Variants in FHIT observed in about 807,000 individuals in gnomAD.
FHIT encodes the protein fragile histidine triad diadenosine triphosphatase.
FHIT carries 19 observed loss-of-function variants against 17.9 expected under a neutral mutation model. That is an observed-to-expected ratio of 1.06 (90% CI 0.74 to 1.56). FHIT has a LOEUF of 1.56. Ranked by LOEUF, FHIT falls within the 40% of genes most tolerant of loss-of-function variation. FHIT has a pLI of 0.00. For missense variants in FHIT, 248 were observed against 189.2 expected, an observed-to-expected ratio of 1.31 and a Z score of -1.82; for synonymous variants, 81 against 69.7, an observed-to-expected ratio of 1.16 and a Z score of -0.81.
chr3:60,359,707 A>G (rs1271664574), intron 5 of FHIT, among the ~76,000 whole-genome samples: 1 of 152,232 alleles, frequency 6.6e-6, no homozygotes, highest in Non-Finnish European at 1.5e-5. Context: ...TCTGGGCTTT[A>G]TCTTTTTCTG....
intron 5 of FHIT, among the ~76,000 whole-genome samples, chr3:60,266,816 C>T (rs1255313567): frequency 5.3e-5 from 8 of 152,102 alleles, no homozygotes; most frequent in Non-Finnish European, 1.0e-4. Context: ...AGTGCATGAA[C>T]ATCTTGAGAA....
intron 3 of FHIT, among the ~76,000 whole-genome samples, chr3:61,038,411 C>T (rs1051806238): frequency 1.3e-5 from 2 of 152,132 alleles, no homozygotes; most frequent in Admixed American, 1.3e-4. Flanking sequence ...TATAACAAGT[C>T]TACAGTGGGA....
intron 8 of FHIT, among the ~76,000 whole-genome samples, chr3:59,887,692 T>C (rs1390406134): frequency 1.3e-5 from 2 of 152,162 alleles, no homozygotes; most frequent in African/African-American, 2.4e-5. Context: ...AGAGAAGCAG[T>C]TGCATCCAGC....
At chr3:60,932,637 C>T (rs1708014321) in intron 3 of FHIT, among the ~76,000 whole-genome samples, 1 of 152,158 alleles carries the variant, frequency 6.6e-6, no homozygotes, top group Non-Finnish European at 1.5e-5. Context: ...CTAGGGCTCT[C>T]ATTGGATTCT....
chr3:60,899,112 G>C (rs1575661678), intron 3 of FHIT, among the ~76,000 whole-genome samples: 1 of 152,234 alleles, frequency 6.6e-6, no homozygotes. Flanking sequence ...TAATTATCCA[G>C]TTTAGGGTTC....
intron 3 of FHIT, among the ~76,000 whole-genome samples, chr3:61,031,553 C>CT (rs1464398506): frequency 6.6e-6 from 1 of 152,152 alleles, no homozygotes; most frequent in Non-Finnish European, 1.5e-5. Context: ...TTCATCTACT[C>CT]TAACATCCCA....
At chr3:60,522,200 C>G (rs1349428137) in intron 5 of FHIT, among the ~76,000 whole-genome samples, 1 of 151,670 alleles carries the variant, frequency 6.6e-6, no homozygotes, top group East Asian at 1.9e-4. Context: ...ACTTCTGCCC[C>G]CCTGAGTTCA....
chr3:60,116,885 C>T (rs1704987800), intron 5 of FHIT, among the ~76,000 whole-genome samples: 1 of 135,220 alleles, frequency 7.4e-6, no homozygotes, highest in Non-Finnish European at 1.7e-5. Context: ...AATTTCCCTT[C>T]TATTTTTTGA....
intron 5 of FHIT, among the ~76,000 whole-genome samples, chr3:60,423,165 TG>T (rs1246977918): frequency 6.6e-6 from 1 of 152,024 alleles, no homozygotes; most frequent in Non-Finnish European, 1.5e-5. Context: ...GCACTATAGA[TG>T]GTAGAGTAGA....
chr3:60,353,997 T>C (rs1559846213), intron 5 of FHIT, among the ~76,000 whole-genome samples: 1 of 152,102 alleles, frequency 6.6e-6, no homozygotes, highest in Non-Finnish European at 1.5e-5. Context: ...CAAGAAGAGA[T>C]GGCCAGAGAC....
chr3:59,959,188 G>C (rs1273189238), intron 7 of FHIT, among the ~76,000 whole-genome samples: 1 of 152,178 alleles, frequency 6.6e-6, no homozygotes. Flanking sequence ...TGTATAGGGA[G>C]AGTGATGACA....
intron 5 of FHIT, among the ~76,000 whole-genome samples, chr3:60,238,551 C>T (rs1704939943): frequency 6.6e-6 from 1 of 151,684 alleles, no homozygotes; most frequent in Non-Finnish European, 1.5e-5. Flanking sequence ...TTTCACTATG[C>T]ATATGTTATG....
At chr3:61,119,483 G>A (rs537314254) in intron 2 of FHIT, among the ~76,000 whole-genome samples, 90 of 152,194 alleles carry the variant, frequency 5.9e-4, no homozygotes, top group African/African-American at 2.1e-3. Context: ...CAAAGTGCTG[G>A]GATTACAGGC....
chr3:59,898,431 CGTGTGTATGTTT>C (rs1704170869), intron 8 of FHIT, among the ~76,000 whole-genome samples: 2 of 142,208 alleles, frequency 1.4e-5, no homozygotes, highest in African/African-American at 2.8e-5. Flanking sequence ...TATATGTGTG[CGTGTGTATGTTT>C]GTGTGTGTGT....
chr3:60,694,686 T>A (rs1365410673), intron 4 of FHIT, among the ~76,000 whole-genome samples: 1 of 152,124 alleles, frequency 6.6e-6, no homozygotes, highest in Non-Finnish European at 1.5e-5. Flanking sequence ...AATGATAGAC[T>A]GGATTAAGAA....
intron 2 of FHIT, among the ~76,000 whole-genome samples, chr3:61,080,643 G>T (rs912759256): frequency 6.6e-6 from 1 of 152,080 alleles, no homozygotes; most frequent in African/African-American, 2.4e-5. Context: ...ACTGCAAATA[G>T]AATTTAGTAT....
intron 4 of FHIT, among the ~76,000 whole-genome samples, chr3:60,564,324 C>T (rs368398515): frequency 6.6e-6 from 1 of 152,154 alleles, no homozygotes; most frequent in African/African-American, 2.4e-5. Context: ...CACCCAAGGG[C>T]TCTGATAGAG....
chr3:60,383,197 TC>T lies in FHIT; in HGVS notation c.103+153662del, dbSNP rs1346489574. The stretch of plus-strand genomic sequence containing the variant: ...CTTTTGCGCTTACTTGCCAGTGACT[TC>T]CTAAAGCTGTAATGAGGTCAAAATA... On this transcript the variant is annotated intron_variant, in intron 5 of 9. Coordinates refer to ENST00000492590, the MANE Select transcript of FHIT (RefSeq NM_002012.4). 2.6e-5 allele frequency among the ~76,000 whole-genome samples: 4 copies of T among 152,158 alleles called. 1 individual carries two copies. Among genetic ancestry groups the T allele is most frequent in the Admixed American group, 6.6e-5 (1 of 15,256 alleles).
chr3:60,561,223 G>A (rs867907633), intron 4 of FHIT, among the ~76,000 whole-genome samples: 2 of 151,892 alleles, frequency 1.3e-5, no homozygotes, highest in African/African-American at 2.4e-5. Flanking sequence ...TCAGATAGAC[G>A]CTAAGGTAGG....
Sources: gnomAD v4.1 joint callset for allele counts (sites outside exome capture counted in the v4.1 genomes callset) on GRCh38, gnomAD v4.1.1 for gene constraint, MANE v1.5 for transcripts, NCBI Gene and HGNC (gene_info 2026-07-23, HGNC 2026-07-21) for gene names.